Variants in FAM177B observed in about 807,000 individuals in gnomAD.
FAM177B encodes family with sequence similarity 177 member B, also known as protein FAM177B.
A neutral mutation model predicts 16.1 loss-of-function variants in FAM177B; 16 were observed. The observed-to-expected ratio is 0.99, with a 90% CI of 0.67 to 1.51. The LOEUF is 1.51. Ranked by LOEUF, FAM177B falls within the 40% of genes most tolerant of loss-of-function variation. The pLI, the probability that FAM177B is intolerant of heterozygous loss-of-function variation, is 0.00. For missense variants in FAM177B, 178 were observed against 183.7 expected (o/e 0.97, Z 0.18); for synonymous variants, 56 against 59.9 (o/e 0.93, Z 0.30).
At chr1:222,741,247 A>T (rs2125059054) in intron 2 of FAM177B, among the ~76,000 whole-genome samples, 2 of 150,950 alleles carry the variant, frequency 1.3e-5, no homozygotes, top group East Asian at 3.9e-4. Flanking sequence ...TTTTTTTAGT[A>T]TAGACGGGTT....
At chr1:222,737,589 T>A (rs1658338205) in intron 1 of FAM177B, among the ~76,000 whole-genome samples, 1 of 151,256 alleles carries the variant, frequency 6.6e-6, no homozygotes. Context: ...GGTGGGAGAG[T>A]AGTACAAGAT....
At chr1:222,748,311 G>A (rs1658892997) in intron 4 of FAM177B, among the ~76,000 whole-genome samples, 1 of 152,178 alleles carries the variant, frequency 6.6e-6, no homozygotes, top group African/African-American at 2.4e-5. Flanking sequence ...GAGGGAATTG[G>A]AGAAGATTAG....
chr1:222,745,659 T>C (rs779879027), intron 2 of FAM177B, among the ~76,000 whole-genome samples: 19 of 151,292 alleles, frequency 1.3e-4, no homozygotes, highest in Non-Finnish European at 2.8e-4. Flanking sequence ...CAGTGGCTCA[T>C]GCCTATAATC....
At chr1:222,737,639 T>C (rs1339991668) in intron 1 of FAM177B, among the ~76,000 whole-genome samples, 1 of 152,170 alleles carries the variant, frequency 6.6e-6, no homozygotes, top group East Asian at 1.9e-4. Flanking sequence ...TACAGCCTTG[T>C]AGGCCATTAT....
chr1:222,739,112 G>A (rs968436025), intron 2 of FAM177B, among the ~76,000 whole-genome samples: 2 of 152,204 alleles, frequency 1.3e-5, no homozygotes, highest in Non-Finnish European at 1.5e-5. Flanking sequence ...CAGGGGATGA[G>A]GGTGTGCGTA....
chr1:222,748,521 G>A (rs1436781002), intron 4 of FAM177B, among the ~76,000 whole-genome samples: 1 of 152,158 alleles, frequency 6.6e-6, no homozygotes, highest in African/African-American at 2.4e-5. Context: ...AAAGATGCTA[G>A]CAGTCAGTGC....
rs765433277 is a variant in FAM177B at position 222,749,561 on chromosome 1, A to G, written c.338A>G (p.Lys113Arg). 7.7e-6 allele frequency: 12 copies of G among 1,562,712 alleles called. No homozygotes were observed. In the African/African-American group the frequency reaches 1.6e-4, roughly 21 times the overall value. The change falls in exon 5 of 6, where the codon AAG becomes AGG. Residue 113 changes from lysine (K) to arginine (R), a missense_variant and splice_region_variant. Transcript: ENST00000445590. Reference protein sequence around the residue: ...VLNEFYRIQNKKSDNKSERRG... With the variant: ...VLNEFYRIQNRKSDNKSERRG... ...AACGAGTTCTATAGGATACAAAACA[A>G]GGTATGTGACACTCTGATGGAAACA...
intron 2 of FAM177B, among the ~76,000 whole-genome samples, chr1:222,739,444 G>A (rs1026478264): frequency 6.6e-6 from 1 of 152,122 alleles, no homozygotes; most frequent in Non-Finnish European, 1.5e-5. Context: ...TGAACATTGG[G>A]ATGACCTGGG....
In FAM177B at chr1:222,747,056, A is replaced by G. The variant is rs778856694; in HGVS notation, c.216A>G (p.Gly72=). 3 of 1,612,280 alleles carry G rather than the reference A, an allele frequency of 1.9e-6. No homozygotes were observed. In the East Asian group the frequency reaches 6.7e-5, roughly 36 times the overall value. ...GGCCCTACCTACGATTTTGGGCAGGACGAATAGCAAGCACCTCATTTTCTA... is the reference window on the plus strand; with the variant it reads ...GGCCCTACCTACGATTTTGGGCAGGGCGAATAGCAAGCACCTCATTTTCTA... ...SWGPYLRFWA[G]RIASTSFSTC... is the part of the protein sequence containing the mutation. The change falls in exon 4 of 6, where the codon GGA becomes GGG. Residue 72 remains glycine, a synonymous_variant. Transcript: ENST00000445590.
In FAM177B at chr1:222,747,025, C is replaced by A; in HGVS notation, c.185C>A (p.Ser62Tyr). ...TNSTLDPSKLSWGPYLRFWAG... is the reference protein window; with the variant it reads ...TNSTLDPSKLYWGPYLRFWAG... ...TTCTCCTTTTTTCAGTCTAAACTTTCCTGGGGGCCCTACCTACGATTTTGG... is the reference window on the plus strand; with the variant it reads ...TTCTCCTTTTTTCAGTCTAAACTTTACTGGGGGCCCTACCTACGATTTTGG... Residue 62 changes from serine (S) to tyrosine (Y), a missense_variant, in exon 4 of 6, where the codon TCC becomes TAC. By Grantham distance (144) the Ser-to-Tyr change is moderately radical. Transcript: ENST00000445590. 1 of 1,609,658 alleles carries A rather than the reference C, an allele frequency of 6.2e-7. No homozygotes were observed. The highest frequency in any genetic ancestry group is 8.5e-7 in the Non-Finnish European group (1 of 1,175,930).
chr1:222,744,791 T>C (rs1309190803), intron 2 of FAM177B, among the ~76,000 whole-genome samples: 3 of 152,192 alleles, frequency 2.0e-5, no homozygotes, highest in Non-Finnish European at 4.4e-5. Flanking sequence ...TATTAAGATA[T>C]ACCTTAAATA....
Position 222,750,335 on chromosome 1 carries a change from T to A in FAM177B, c.*277T>A. ...CTCCACCCCTGTGATACAAGTCCCA[T>A]GAGTACTGACATTTGCACAGTAGCA... On this transcript the variant is annotated 3_prime_UTR_variant, in exon 6 of 6. Coordinates refer to ENST00000445590, the MANE Select transcript of FAM177B (RefSeq NM_001394345.1). The A allele has an allele frequency of 8.1e-7, 1 of 1,228,220 alleles. No individual in the cohort carries two copies. The highest frequency in any genetic ancestry group is 1.0e-6 in the Non-Finnish European group (1 of 979,476). 76.1% of individuals were successfully genotyped at this position (1,228,220 alleles called of 1,614,324 possible). A position where few individuals can be genotyped will look rare whatever the true frequency, so the allele number is the denominator to read the frequency against.
chr1:222,737,478 AAT>A (rs1658330019), intron 1 of FAM177B, among the ~76,000 whole-genome samples, 156 bp downstream of exon 1: 1 of 152,222 alleles, frequency 6.6e-6, no homozygotes, highest in African/African-American at 2.4e-5. Flanking sequence ...AAGAAAGACT[AAT>A]AGAGCAGCCA....
In FAM177B at chr1:222,747,049, G is replaced by A; in HGVS notation, c.209G>A (p.Trp70Ter). ...KLSWGPYLRF[W>*]AGRIASTSFS... The stretch of plus-strand genomic sequence containing the variant: ...TCCTGGGGGCCCTACCTACGATTTT[G>A]GGCAGGACGAATAGCAAGCACCTCA... Residue 70 changes from tryptophan to a stop codon, truncating the protein, a stop_gained, in exon 4 of 6, where the codon TGG becomes TAG. Transcript: ENST00000445590. LOFTEE classifies it high-confidence loss of function. The A allele has an allele frequency of 6.2e-7, 1 of 1,612,032 alleles. No homozygotes were observed. Among genetic ancestry groups the A allele is most frequent in the Admixed American group, 1.7e-5 (1 of 59,988 alleles).
chr1:222,744,300 G>A (rs1358010673), intron 2 of FAM177B, among the ~76,000 whole-genome samples: 1 of 151,912 alleles, frequency 6.6e-6, no homozygotes, highest in Non-Finnish European at 1.5e-5. Flanking sequence ...GTGAAACCCC[G>A]TCTCTAGTAA....
chr1:222,738,249 A>G (rs985718339), intron 2 of FAM177B, among the ~76,000 whole-genome samples: 4 of 152,170 alleles, frequency 2.6e-5, no homozygotes, highest in African/African-American at 4.8e-5. Context: ...GCCAAAGGAG[A>G]TCATCAAGAA....
chr1:222,746,599 A>C lies in FAM177B; in HGVS notation c.54A>C (p.Lys18Asn). ...ACCTAGAGAAGAGTGTACCTTCCAA[A>C]AAGACTACTCCTAAAAGGATTATCC... The part of the protein sequence containing the change: ...QLDLEKSVPS[K>N]KTTPKRIIHF... Residue 18 changes from lysine to asparagine, a missense_variant, in exon 3 of 6, where the codon AAA becomes AAC. Lys to Asn is a moderately conservative substitution (Grantham distance 94, BLOSUM62 0). Coordinates refer to ENST00000445590, the MANE Select transcript of FAM177B (RefSeq NM_001394345.1). 1 of 1,611,918 alleles carries C rather than the reference A, an allele frequency of 6.2e-7. No individual in the cohort carries two copies. The highest frequency in any genetic ancestry group is 8.5e-7 in the Non-Finnish European group (1 of 1,178,030).
chr1:222,737,534 A>C (rs1658331986), intron 1 of FAM177B, among the ~76,000 whole-genome samples: 1 of 152,200 alleles, frequency 6.6e-6, no homozygotes, highest in Non-Finnish European at 1.5e-5. Context: ...CTGTGTGGTC[A>C]GGGAATTGCA....
At chr1:222,745,099 T>G (rs1273998103) in intron 2 of FAM177B, among the ~76,000 whole-genome samples, 1 of 152,242 alleles carries the variant, frequency 6.6e-6, no homozygotes, top group Non-Finnish European at 1.5e-5. Flanking sequence ...GTTACAAATA[T>G]TCATTGTTTA....
Sources: gnomAD v4.1 joint callset for allele counts (sites outside exome capture counted in the v4.1 genomes callset) on GRCh38, gnomAD v4.1.1 for gene constraint, MANE v1.5 for transcripts, NCBI Gene and HGNC (gene_info 2026-07-23, HGNC 2026-07-21) for gene names.